PDLIM1: variants seen among roughly 807,000 people sequenced by gnomAD.
PDLIM1 encodes the protein PDZ and LIM domain protein 1.
Under a neutral mutation model 35.2 loss-of-function variants are expected in PDLIM1, and 25 were observed. The observed-to-expected ratio is 0.71, with a 90% CI of 0.52 to 0.99. The LOEUF is 0.99. Among genes scored for constraint, PDLIM1 ranks in the 50% least tolerant of loss-of-function variants. PDLIM1 has a pLI of 0.00. For missense variants in PDLIM1, 363 were observed against 415.3 expected, an observed-to-expected ratio of 0.87 and a Z score of 1.09; for synonymous variants, 152 against 154.0, an observed-to-expected ratio of 0.99 and a Z score of 0.10.
intron 2 of PDLIM1, among the ~76,000 whole-genome samples, chr10:95,270,894 G>A (rs1564604069): frequency 6.6e-6 from 1 of 151,688 alleles, no homozygotes; most frequent in African/African-American, 2.4e-5. Flanking sequence ...GGAACTACAG[G>A]TGCACGCTAC....
At chr10:95,279,418 T>C (rs2035541263) in intron 1 of PDLIM1, among the ~76,000 whole-genome samples, 1 of 152,226 alleles carries the variant, frequency 6.6e-6, no homozygotes, top group Non-Finnish European at 1.5e-5. Flanking sequence ...TATACCACAA[T>C]ATAACTACCT....
chr10:95,238,229 C>A, intron 6 of PDLIM1, 118 bp from the exon 7 acceptor site: 1 of 875,658 alleles, frequency 1.1e-6, no homozygotes, highest in Non-Finnish European at 1.7e-6. Context: ...AGGAACCCAT[C>A]ACAGGGGAAA....
chr10:95,256,990 G>GAAAAGAAAAGAAAAGA (rs372697818), intron 4 of PDLIM1, among the ~76,000 whole-genome samples: 1,603 of 90,552 alleles, frequency 0.018, 52 homozygotes, highest in Non-Finnish European at 0.027. Flanking sequence ...AAAAAAAAAA[G>GAAAAGAAAAGAAAAGA]AAAGAAAGAA....
At chr10:95,282,122 G>A (rs527913690) in intron 1 of PDLIM1, among the ~76,000 whole-genome samples, 8 of 152,212 alleles carry the variant, frequency 5.3e-5, no homozygotes, top group Non-Finnish European at 7.3e-5. Flanking sequence ...AAGTTCAATC[G>A]CAATGCTACA....
intron 5 of PDLIM1, among the ~76,000 whole-genome samples, chr10:95,240,322 C>G (rs539292153): frequency 6.6e-6 from 1 of 152,166 alleles, no homozygotes; most frequent in Non-Finnish European, 1.5e-5. Flanking sequence ...TAAAAAGGAA[C>G]GAGATCTTGT....
At chr10:95,249,133 T>G (rs1450758990) in intron 4 of PDLIM1, among the ~76,000 whole-genome samples, 3 of 152,228 alleles carry the variant, frequency 2.0e-5, no homozygotes, top group Non-Finnish European at 4.4e-5. Context: ...AGGTCACAGT[T>G]CAGCAGGCAG....
chr10:95,270,485 T>C (rs367902672), intron 2 of PDLIM1, among the ~76,000 whole-genome samples: 64 of 152,314 alleles, frequency 4.2e-4, no homozygotes, highest in African/African-American at 1.5e-3. Flanking sequence ...GGGAGCCAAC[T>C]GAGGGTTGAA....
intron 1 of PDLIM1, among the ~76,000 whole-genome samples, chr10:95,272,272 ATCTT>A (rs1302577431): frequency 6.6e-6 from 1 of 152,230 alleles, no homozygotes; most frequent in Non-Finnish European, 1.5e-5. Flanking sequence ...TTCTTTAAAA[ATCTT>A]AATAATGTTA....
chr10:95,265,453 G>C (rs2035405468), intron 3 of PDLIM1, among the ~76,000 whole-genome samples: 1 of 151,948 alleles, frequency 6.6e-6, no homozygotes, highest in African/African-American at 2.4e-5. Context: ...AAATTAGCCA[G>C]ACATGGTGGC....
At chr10:95,256,418 G>A (rs577195341) in intron 4 of PDLIM1, among the ~76,000 whole-genome samples, 25 of 152,186 alleles carry the variant, frequency 1.6e-4, no homozygotes, top group Admixed American at 9.2e-4. Flanking sequence ...CAAAAATGGA[G>A]GCCTCATACG....
intron 1 of PDLIM1, among the ~76,000 whole-genome samples, chr10:95,276,595 A>C (rs1470942488): frequency 6.6e-6 from 1 of 152,234 alleles, no homozygotes; most frequent in Non-Finnish European, 1.5e-5. Flanking sequence ...AATCAAAATG[A>C]CAGCCATCAG....
intron 4 of PDLIM1, among the ~76,000 whole-genome samples, chr10:95,262,322 T>C (rs2035371240): frequency 6.6e-6 from 1 of 152,170 alleles, no homozygotes; most frequent in African/African-American, 2.4e-5. Flanking sequence ...AGAAACTGAA[T>C]GGCAAAGCGG....
intron 1 of PDLIM1, among the ~76,000 whole-genome samples, chr10:95,272,771 A>G (rs1384677154): frequency 6.6e-6 from 1 of 152,208 alleles, no homozygotes; most frequent in Admixed American, 6.5e-5. Flanking sequence ...TAATCTCCCA[A>G]AATGACTAGG....
intron 1 of PDLIM1, among the ~76,000 whole-genome samples, chr10:95,283,477 C>T (rs1283952100): frequency 2.0e-5 from 3 of 152,092 alleles, no homozygotes; most frequent in African/African-American, 7.2e-5. Flanking sequence ...TGATTTGTTA[C>T]AGTAAAAATA....
chr10:95,239,936 A>G (rs973385202), intron 5 of PDLIM1, among the ~76,000 whole-genome samples: 3 of 152,232 alleles, frequency 2.0e-5, no homozygotes, highest in East Asian at 1.9e-4. Context: ...CAAAACCACA[A>G]TGAGATACCG....
chr10:95,285,751 C>A (rs1773578143), intron 1 of PDLIM1, among the ~76,000 whole-genome samples: 1 of 152,174 alleles, frequency 6.6e-6, no homozygotes, highest in Non-Finnish European at 1.5e-5. Flanking sequence ...TACTTAAGGT[C>A]TCCAAGCCTC....
intron 3 of PDLIM1, among the ~76,000 whole-genome samples, chr10:95,266,778 A>G (rs2035421052): frequency 6.6e-6 from 1 of 152,216 alleles, no homozygotes; most frequent in African/African-American, 2.4e-5. Context: ...TGGTTTGTAC[A>G]TAAAAGGAAT....
At chr10:95,250,909 T>C (rs951021276) in intron 4 of PDLIM1, among the ~76,000 whole-genome samples, 4 of 152,226 alleles carry the variant, frequency 2.6e-5, no homozygotes, top group Admixed American at 6.5e-5. Context: ...GCCCCAGGGT[T>C]ATTCTAGCCA....
Position 95,290,893 on chromosome 10 carries a change from AG to A in PDLIM1, c.22del (p.Leu8SerfsTer34), listed in dbSNP as rs1298619590. 6.4e-7 allele frequency: 1 copy of A among 1,562,396 alleles called. No homozygotes were observed. Among genetic ancestry groups the A allele is most frequent in the Non-Finnish European group, 8.7e-7 (1 of 1,154,008 alleles). MTTQQID[L>X]QGPGPWGFRL... Reference sequence around the variant, plus strand: ...GAAGCCCCACGGCCCCGGGCCCTGGAGGTCTATCTGCTGGGTGGTCATGGCG... The same window carrying A: ...GAAGCCCCACGGCCCCGGGCCCTGGAGTCTATCTGCTGGGTGGTCATGGCG... On this transcript the variant is annotated frameshift_variant, in exon 1 of 7. Transcript: ENST00000329399. LOFTEE classifies it high-confidence loss of function. This position sits in a 1 kb window ranked among gnomAD's most constrained non-coding sequence, Gnocchi z 4.7.
Sources: allele counts gnomAD v4.1 joint callset (sites outside exome capture counted in the v4.1 genomes callset), GRCh38; gene constraint gnomAD v4.1.1; non-coding constraint Gnocchi (gnomAD v3.1); transcripts MANE v1.5; gene names NCBI Gene and HGNC (gene_info 2026-07-23, HGNC 2026-07-21).